INPP4B: variants seen among roughly 807,000 people sequenced by gnomAD.
INPP4B encodes the protein inositol polyphosphate 4-phosphatase type II.
Under a neutral mutation model 122.5 loss-of-function variants are expected in INPP4B, and 55 were observed. The ratio of observed to expected loss-of-function variants is 0.45; its 90% CI spans 0.36 to 0.56. The LOEUF (loss-of-function observed/expected upper bound fraction) is 0.56. Among genes scored for constraint, INPP4B ranks in the 20% least tolerant of loss-of-function variants. INPP4B has a pLI of 0.00. For synonymous variants in INPP4B, 403 were observed against 388.7 expected, an observed-to-expected ratio of 1.04 and a Z score of -0.43; for missense variants, 1,000 against 1,097.7, an observed-to-expected ratio of 0.91 and a Z score of 1.26.
At chr4:142,110,995 C>T (rs1789735941) in intron 22 of INPP4B, among the ~76,000 whole-genome samples, 1 of 152,062 alleles carries the variant, frequency 6.6e-6, no homozygotes, top group African/African-American at 2.4e-5. Flanking sequence ...ATGCTGTTCC[C>T]CTGCTCCAAG....
intron 12 of INPP4B, among the ~76,000 whole-genome samples, chr4:142,237,134 AT>A (rs942861821): frequency 1.1e-3 from 163 of 152,256 alleles, no homozygotes; most frequent in African/African-American, 3.6e-3. Context: ...AATACTGTCC[AT>A]TAGCATAGCA....
intron 2 of INPP4B, among the ~76,000 whole-genome samples, chr4:142,700,039 C>A (rs916246916): frequency 2.0e-5 from 3 of 152,100 alleles, no homozygotes; most frequent in African/African-American, 4.8e-5. Context: ...AGCAACCACC[C>A]TCTTTCTCTC....
intron 2 of INPP4B, among the ~76,000 whole-genome samples, chr4:142,549,087 T>G (rs1727359686): frequency 1.3e-5 from 2 of 152,104 alleles, no homozygotes; most frequent in Non-Finnish European, 2.9e-5. Context: ...GTGATTTAAT[T>G]AAGCGGACAC....
chr4:142,454,348 T>C (rs1814935058), intron 3 of INPP4B, among the ~76,000 whole-genome samples: 1 of 152,090 alleles, frequency 6.6e-6, no homozygotes, highest in South Asian at 2.1e-4. Flanking sequence ...ATAACCAACA[T>C]AAAACTCATT....
chr4:142,158,810 G>A (rs1010335748), intron 17 of INPP4B, among the ~76,000 whole-genome samples: 3 of 150,716 alleles, frequency 2.0e-5, no homozygotes, highest in African/African-American at 7.3e-5. Flanking sequence ...AGGTGAGGGG[G>A]AAGGGTTTGT....
At chr4:142,094,754 A>G (rs1024792795) in intron 23 of INPP4B, among the ~76,000 whole-genome samples, 3 of 152,220 alleles carry the variant, frequency 2.0e-5, no homozygotes, top group Admixed American at 6.5e-5. Flanking sequence ...GCTTTTTCCA[A>G]TAGTCACAGT....
intron 21 of INPP4B, among the ~76,000 whole-genome samples, chr4:142,114,907 C>A (rs1282743467): frequency 3.3e-5 from 5 of 151,826 alleles, no homozygotes; most frequent in Admixed American, 2.0e-4. Flanking sequence ...AAGATAAAAA[C>A]CTCGAAAAAA....
intron 2 of INPP4B, among the ~76,000 whole-genome samples, chr4:142,498,648 G>T (rs910289867): frequency 6.6e-6 from 1 of 151,860 alleles, no homozygotes; most frequent in Non-Finnish European, 1.5e-5. Context: ...AAAATTAGCC[G>T]GGTATGGTGG....
rs548871851 is a variant in INPP4B at position 142,223,824 on chromosome 4, G to A, written c.836+14040C>T. On this transcript the variant is annotated intron_variant, in intron 12 of 25. Transcript: ENST00000262992. The stretch of plus-strand genomic sequence containing the variant: ...TGTGAGTCAATGGTAGAGCCCTGAT[G>A]TGATATCTTTAATGCATATTTTTTT... Among the ~76,000 whole-genome samples the A allele has an allele frequency of 8.5e-5, 13 of 152,322 alleles. No homozygotes were observed. The East Asian group carries it at 2.3e-3, about 27-fold the overall frequency.
intron 15 of INPP4B, among the ~76,000 whole-genome samples, chr4:142,185,702 AC>A (rs1832882796): frequency 6.6e-6 from 1 of 151,524 alleles, no homozygotes; most frequent in African/African-American, 2.4e-5. Flanking sequence ...ACACGGTGAA[AC>A]CCTGTCTCTA....
At chr4:142,441,771 A>C (rs930707874) in intron 3 of INPP4B, among the ~76,000 whole-genome samples, 2 of 151,176 alleles carry the variant, frequency 1.3e-5, no homozygotes, top group Non-Finnish European at 3.0e-5. Flanking sequence ...CACTCTACTT[A>C]GCTGATATTT....
chr4:142,770,404 T>G (rs1012653466), intron 1 of INPP4B, among the ~76,000 whole-genome samples: 1 of 152,290 alleles, frequency 6.6e-6, no homozygotes, highest in Middle Eastern at 3.4e-3. Flanking sequence ...GTCTCTCAGC[T>G]TATAGAGAAG....
intron 23 of INPP4B, among the ~76,000 whole-genome samples, chr4:142,102,699 G>A (rs1353594979): frequency 6.6e-6 from 1 of 152,058 alleles, no homozygotes; most frequent in Non-Finnish European, 1.5e-5. Context: ...CTGGAAGCCA[G>A]AGGACTACAT....
intron 2 of INPP4B, among the ~76,000 whole-genome samples, chr4:142,547,979 A>T (rs1580341985): frequency 6.6e-6 from 1 of 152,324 alleles, no homozygotes; most frequent in South Asian, 2.1e-4. Context: ...TTAAAGATTG[A>T]GAGAAAAGCT....
chr4:142,257,610 T>C (rs1001976500), intron 11 of INPP4B, among the ~76,000 whole-genome samples: 3 of 152,116 alleles, frequency 2.0e-5, no homozygotes, highest in African/African-American at 7.2e-5. Context: ...TCACAATTGC[T>C]TCAAAGAGAA....
intron 1 of INPP4B, among the ~76,000 whole-genome samples, chr4:142,798,739 A>G (rs1777606786): frequency 6.6e-6 from 1 of 151,912 alleles, no homozygotes; most frequent in African/African-American, 2.4e-5. Context: ...AGTAAGAAGT[A>G]GAGAAGTAGA....
intron 17 of INPP4B, among the ~76,000 whole-genome samples, chr4:142,147,425 A>G (rs1345498934): frequency 6.6e-6 from 1 of 152,196 alleles, no homozygotes; most frequent in East Asian, 1.9e-4. Context: ...ATAGGGTTTT[A>G]AAGAAAAGCA....
chr4:142,650,660 A>G (rs955646458), intron 2 of INPP4B, among the ~76,000 whole-genome samples: 1 of 152,220 alleles, frequency 6.6e-6, no homozygotes, highest in Non-Finnish European at 1.5e-5. Flanking sequence ...CAATTCAACA[A>G]GAAGAGCTAA....
At chr4:142,626,214 C>T (rs371045878) in intron 2 of INPP4B, among the ~76,000 whole-genome samples, 11 of 152,076 alleles carry the variant, frequency 7.2e-5, no homozygotes, top group African/African-American at 9.6e-5. Context: ...AAATTCACTC[C>T]TTTTGAACAT....
Sources: gnomAD v4.1 joint callset for allele counts (sites outside exome capture counted in the v4.1 genomes callset) on GRCh38, gnomAD v4.1.1 for gene constraint, MANE v1.5 for transcripts, NCBI Gene and HGNC (gene_info 2026-07-23, HGNC 2026-07-21) for gene names.